CDH23: variants seen among roughly 807,000 people sequenced by gnomAD.
CDH23 encodes the protein cadherin related 23, also known as cadherin-23.
In CDH23, 189 loss-of-function variants were observed where a neutral mutation model predicts 317.1. The ratio of observed to expected loss-of-function variants is 0.60; its 90% CI spans 0.53 to 0.67. The LOEUF is 0.67. CDH23 is among the 30% of genes least tolerant of loss of function. The probability of loss-of-function intolerance (pLI) is 0.00; values close to 1 mark genes in which losing one functional copy is unlikely to be tolerated. For synonymous variants in CDH23, 1,839 were observed against 1,876.8 expected, an observed-to-expected ratio of 0.98 and a Z score of 0.52; for missense variants, 4,401 against 4,592.4, an observed-to-expected ratio of 0.96 and a Z score of 1.20.
chr10:71,479,527 A>G (rs1022298610), intron 3 of CDH23, among the ~76,000 whole-genome samples: 4 of 152,312 alleles, frequency 2.6e-5, no homozygotes, highest in Admixed American at 2.6e-4. Context: ...CTCTTGAGCC[A>G]GGAAGGCTTC....
intron 6 of CDH23, among the ~76,000 whole-genome samples, chr10:71,516,276 G>T (rs1854326761): frequency 6.6e-6 from 1 of 152,210 alleles, no homozygotes; most frequent in Non-Finnish European, 1.5e-5. Flanking sequence ...ACCAGCTTGA[G>T]GTGGGGATGA....
At chr10:71,515,289 G>C (rs1264579282) in intron 6 of CDH23, among the ~76,000 whole-genome samples, 7 of 151,558 alleles carry the variant, frequency 4.6e-5, no homozygotes, top group Non-Finnish European at 1.0e-4. Flanking sequence ...ATTCTCTTCT[G>C]CTATTCCTTC....
Position 71,397,133 on chromosome 10 carries a change from C to A in CDH23, c.-191C>A. On this transcript the variant is annotated 5_prime_UTR_variant, in exon 1 of 70. Transcript: ENST00000224721. This position sits in a 1 kb window ranked among gnomAD's most constrained non-coding sequence, Gnocchi z 4.8. ...CCGGCGCGCCTGAAGTTGCGAGCGG[C>A]GAGCGGCGAGCGGCGAGCGGCCCGC... is the stretch of plus-strand genomic sequence containing the variant. The A allele has an allele frequency of 5.6e-6, 1 of 178,054 alleles. No individual in the cohort carries two copies. The highest frequency in any genetic ancestry group is 8.8e-5 in the South Asian group (1 of 11,306). The allele number at this position is 178,054 out of a possible 1,614,324, so 11.0% of individuals were successfully genotyped here.
At chr10:71,403,118 T>C (rs920666330) in intron 1 of CDH23, among the ~76,000 whole-genome samples, 13 of 151,774 alleles carry the variant, frequency 8.6e-5, no homozygotes, top group Non-Finnish European at 1.6e-4. Context: ...CCAGACTCCA[T>C]CTCAAAAGAA....
At position 71,803,392 on chromosome 10, in the gene CDH23, C is replaced by G. The variant is rs545934398; in HGVS notation, c.7844C>G (p.Pro2615Arg). ...NDNRPVFVRP[P>R]NGTILHIREE... ...AACCGCCCTGTCTTTGTGCGCCCAC[C>G]CAACGGCACCATCCTCCACATCAGA... The change falls in exon 55 of 70, where the codon CCC (proline) becomes CGC (arginine). Residue 2615 changes from proline to arginine, a missense_variant. Physicochemically the swap from Pro to Arg is moderately radical, Grantham distance 103. Around this residue, in one of 3 missense-constraint regions of CDH23, gnomAD observed 1,144 missense variants for 1,138.2 expected, o/e 1.01. Coordinates refer to ENST00000224721, the MANE Select transcript of CDH23 (RefSeq NM_022124.6). 6.3e-7 allele frequency: 1 copy of G among 1,597,424 alleles called. No homozygotes were observed. Among genetic ancestry groups the G allele is most frequent in the African/African-American group, 1.3e-5 (1 of 74,292 alleles).
At chr10:71,644,318 C>T (rs1208386779) in intron 12 of CDH23, among the ~76,000 whole-genome samples, 1 of 152,262 alleles carries the variant, frequency 6.6e-6, no homozygotes, top group Non-Finnish European at 1.5e-5. Flanking sequence ...TAACAGGGCA[C>T]AGGCCTGTCT....
At chr10:71,442,944 G>A (rs1354772831) in intron 2 of CDH23, among the ~76,000 whole-genome samples, 1 of 152,226 alleles carries the variant, frequency 6.6e-6, no homozygotes, top group Non-Finnish European at 1.5e-5. Flanking sequence ...CCTGAGGCTG[G>A]AAAATGGGGC....
chr10:71,648,557 G>A (rs771552575), intron 14 of CDH23, among the ~76,000 whole-genome samples: 3 of 152,196 alleles, frequency 2.0e-5, no homozygotes, highest in Non-Finnish European at 2.9e-5. Flanking sequence ...GAAAGGGATG[G>A]GGAAAACCTA....
chr10:71,530,403 G>A (rs1276088694), intron 6 of CDH23, among the ~76,000 whole-genome samples: 2 of 152,232 alleles, frequency 1.3e-5, no homozygotes, highest in Non-Finnish European at 2.9e-5. Flanking sequence ...CCCAGGACAG[G>A]TGAATAGGCC....
chr10:71,732,275 T>C lies in CDH23; in HGVS notation c.4004T>C (p.Val1335Ala), dbSNP rs1364542092. ...GCACTGGGTACTGAGATTGTGCGGG[T>C]CCAGGCCTACTCCATCGACAACCTC... is the stretch of plus-strand genomic sequence containing the variant. ...NLALGTEIVR[V>A]QAYSIDNLNQ... Residue 1335 changes from valine to alanine, a missense_variant, in exon 32 of 70, where the codon GTC becomes GCC. Around this residue, in one of 3 missense-constraint regions of CDH23, gnomAD observed 3,068 missense variants for 3,203.3 expected, o/e 0.96. Coordinates refer to ENST00000224721, the MANE Select transcript of CDH23 (RefSeq NM_022124.6). 5.6e-6 allele frequency: 9 copies of C among 1,613,202 alleles called. No homozygotes were observed. In the East Asian group the frequency reaches 6.7e-5, roughly 12 times the overall value.
intron 10 of CDH23, among the ~76,000 whole-genome samples, chr10:71,616,492 GC>G (rs898762352): frequency 6.6e-6 from 1 of 152,350 alleles, no homozygotes; most frequent in African/African-American, 2.4e-5. Context: ...AGAGAGAGCT[GC>G]CCCCTGGTCC....
rs1370788787 is a variant in CDH23, at chr10:71,474,257, G to A, written c.145+27862G>A. On this transcript the variant is annotated intron_variant, in intron 3 of 69. Transcript: ENST00000224721. ...GGCCAAAGGGAAAATCCCTAAGGAA[G>A]GGGTCAGAGTATGTGCCAATCAGCT... is the stretch of plus-strand genomic sequence containing the variant. Among the ~76,000 whole-genome samples the A allele has an allele frequency of 3.3e-5, 5 of 152,228 alleles. No homozygotes were observed. The East Asian group carries it at 9.6e-4, about 29-fold the overall frequency.
intron 3 of CDH23, among the ~76,000 whole-genome samples, chr10:71,485,717 G>A (rs921984768): frequency 2.0e-5 from 3 of 152,242 alleles, no homozygotes; most frequent in African/African-American, 7.2e-5. Context: ...GCAGTGTGGG[G>A]TGGGATGGGC....
At chr10:71,638,717 T>A (rs766207952) in intron 11 of CDH23, among the ~76,000 whole-genome samples, 3 of 152,156 alleles carry the variant, frequency 2.0e-5, no homozygotes, top group Non-Finnish European at 4.4e-5. Flanking sequence ...GGGCCCAACA[T>A]GTAAGCTCAA....
At chr10:71,482,812 C>CG (rs1361242399) in intron 3 of CDH23, among the ~76,000 whole-genome samples, 1 of 152,146 alleles carries the variant, frequency 6.6e-6, no homozygotes, top group African/African-American at 2.4e-5. Flanking sequence ...CCGAGTTGAG[C>CG]GGATTACAAC....
intron 3 of CDH23, among the ~76,000 whole-genome samples, chr10:71,447,705 C>G (rs1850239079): frequency 1.3e-5 from 2 of 152,178 alleles, no homozygotes; most frequent in African/African-American, 4.8e-5. Flanking sequence ...CTCTCATAGG[C>G]AGAGCCCCTT....
chr10:71,426,956 A>G (rs1849103955), intron 1 of CDH23, among the ~76,000 whole-genome samples: 1 of 152,026 alleles, frequency 6.6e-6, no homozygotes, highest in Admixed American at 6.6e-5. Context: ...GACCAGCCTC[A>G]GCAACACAGT....
At chr10:71,411,018 T>A (rs993951836) in intron 1 of CDH23, among the ~76,000 whole-genome samples, 12 of 152,230 alleles carry the variant, frequency 7.9e-5, no homozygotes, top group Admixed American at 3.9e-4. Flanking sequence ...AACACAAGCT[T>A]TAGAGCTTAA....
Position 71,695,537 on chromosome 10 carries a change from C to T in CDH23, c.2397+12C>T. On this transcript the variant is annotated intron_variant, in intron 22 of 69. Coordinates refer to ENST00000224721, the MANE Select transcript of CDH23 (RefSeq NM_022124.6). ...CTGATGTGACCACGGTAGGTGGTGGCAGAGCAGCAGAACTGCCAGGCGGCC... is the reference window on the plus strand; with the variant it reads ...CTGATGTGACCACGGTAGGTGGTGGTAGAGCAGCAGAACTGCCAGGCGGCC... 2 of 1,581,212 alleles carry T rather than the reference C, an allele frequency of 1.3e-6. No homozygotes were observed. The highest frequency in any genetic ancestry group is 2.2e-5 in the South Asian group (2 of 90,512).
Sources: allele counts gnomAD v4.1 joint callset (sites outside exome capture counted in the v4.1 genomes callset), GRCh38; gene constraint gnomAD v4.1.1; regional missense constraint gnomAD v4.1.1; non-coding constraint Gnocchi (gnomAD v3.1); transcripts MANE v1.5; gene names NCBI Gene and HGNC (gene_info 2026-07-23, HGNC 2026-07-21).